The following AGBL4 variants were observed in gnomAD, a reference collection of about 807,000 sequenced individuals.
AGBL4 encodes the protein cytosolic carboxypeptidase 6.
A neutral mutation model predicts 66.4 loss-of-function variants in AGBL4; 58 were observed. The observed-to-expected ratio is 0.87, with a 90% CI of 0.71 to 1.09. AGBL4 has a LOEUF of 1.09. Ranked by LOEUF, AGBL4 falls within the 50% of genes least tolerant of loss-of-function variation. The probability of loss-of-function intolerance (pLI) is 0.00; values close to 1 mark genes in which losing one functional copy is unlikely to be tolerated. For missense variants in AGBL4, 579 were observed against 631.0 expected, an observed-to-expected ratio of 0.92 and a Z score of 0.88; for synonymous variants, 234 against 222.9, an observed-to-expected ratio of 1.05 and a Z score of -0.44.
chr1:48,934,410 T>A (rs1655284270), intron 5 of AGBL4, among the ~76,000 whole-genome samples: 1 of 152,170 alleles, frequency 6.6e-6, no homozygotes, highest in African/African-American at 2.4e-5. Context: ...CTATCACCTT[T>A]CACTCTCTAA....
intron 3 of AGBL4, among the ~76,000 whole-genome samples, chr1:49,516,108 C>A (rs1649798179): frequency 6.6e-6 from 1 of 151,000 alleles, no homozygotes; most frequent in Admixed American, 6.6e-5. Flanking sequence ...GGAGGGGGTA[C>A]TTTTTTCTAA....
At position 49,849,506 on chromosome 1, in the gene AGBL4, C is replaced by CACACACACAT. The variant is rs1553133768; in HGVS notation, c.157+1889_157+1890insATGTGTGTGT. Reference sequence around the variant, plus strand: ...ACACACACACACACACACACACACACACATACATACATTAAGATGGATAGT... The same window carrying CACACACACAT: ...ACACACACACACACACACACACACACACACACACATACATACATACATTAAGATGGATAGT... On this transcript the variant is annotated intron_variant, in intron 2 of 13. Transcript: ENST00000371839. Among the ~76,000 whole-genome samples the CACACACACAT allele has an allele frequency of 1.2e-4, 18 of 144,816 alleles. 2 individuals are homozygous for CACACACACAT. Among genetic ancestry groups the CACACACACAT allele is most frequent in the African/African-American group, 4.5e-4 (17 of 37,816 alleles).
chr1:49,645,360 T>C (rs1489969298), intron 3 of AGBL4, among the ~76,000 whole-genome samples: 1 of 150,614 alleles, frequency 6.6e-6, no homozygotes, highest in African/African-American at 2.4e-5. Flanking sequence ...GAATATTGGG[T>C]ATGAGAAAGA....
At chr1:48,982,408 A>G (rs1193610907) in intron 5 of AGBL4, among the ~76,000 whole-genome samples, 1 of 150,844 alleles carries the variant, frequency 6.6e-6, no homozygotes, top group Non-Finnish European at 1.5e-5. Flanking sequence ...ATGTGTTCTC[A>G]TTGTTCAATT....
At chr1:49,420,273 C>G (rs1319490825) in intron 3 of AGBL4, among the ~76,000 whole-genome samples, 1 of 152,148 alleles carries the variant, frequency 6.6e-6, no homozygotes, top group African/African-American at 2.4e-5. Flanking sequence ...AGTTCTATAT[C>G]AAGGTATGAA....
intron 5 of AGBL4, among the ~76,000 whole-genome samples, chr1:48,998,397 G>A (rs1053621870): frequency 1.6e-4 from 24 of 152,102 alleles, no homozygotes; most frequent in African/African-American, 4.8e-4. Flanking sequence ...GATATCATAC[G>A]GTATGGTGGA....
At chr1:49,257,817 C>G (rs997155603) in intron 3 of AGBL4, among the ~76,000 whole-genome samples, 1 of 152,162 alleles carries the variant, frequency 6.6e-6, no homozygotes, top group African/African-American at 2.4e-5. Flanking sequence ...CTTGGCTCCT[C>G]CAGCACGGAG....
At chr1:49,839,384 T>C (rs1217543270) in intron 2 of AGBL4, among the ~76,000 whole-genome samples, 3 of 152,200 alleles carry the variant, frequency 2.0e-5, no homozygotes, top group African/African-American at 7.2e-5. Context: ...CTCCTTTATA[T>C]TTAATAACCA....
At chr1:49,199,417 C>A (rs891582114) in intron 4 of AGBL4, among the ~76,000 whole-genome samples, 1 of 152,132 alleles carries the variant, frequency 6.6e-6, no homozygotes, top group African/African-American at 2.4e-5. Flanking sequence ...GATAGAAAGT[C>A]TCAGGATTAC....
At chr1:48,813,075 A>ACATGTACCCTAAAACTGCAC in intron 6 of AGBL4, among the ~76,000 whole-genome samples, 1 of 151,456 alleles carries the variant, frequency 6.6e-6, no homozygotes, top group South Asian at 2.1e-4. Flanking sequence ...CAAACCTGCA[A>ACATGTACCCTAAAACTGCAC]GTTGTGCACA....
chr1:48,903,864 C>A (rs890640240), intron 5 of AGBL4, among the ~76,000 whole-genome samples: 1 of 152,158 alleles, frequency 6.6e-6, no homozygotes, highest in Admixed American at 6.5e-5. Flanking sequence ...GTTTAAGGTG[C>A]TTTTTCCTTT....
chr1:48,762,095 C>T (rs1429618012), intron 6 of AGBL4, among the ~76,000 whole-genome samples: 6 of 152,138 alleles, frequency 3.9e-5, no homozygotes, highest in Non-Finnish European at 7.4e-5. Flanking sequence ...TGGTCCAACT[C>T]GCTCATGTTA....
At position 49,111,574 on chromosome 1, in the gene AGBL4, A is replaced by G. The variant is rs572639273; in HGVS notation, c.378-65774T>C. Among the ~76,000 whole-genome samples the G allele has an allele frequency of 3.3e-5, 5 of 152,374 alleles. No individual in the cohort carries two copies. The South Asian group carries it at 1.0e-3, about 32-fold the overall frequency. On this transcript the variant is annotated intron_variant, in intron 4 of 13. Coordinates refer to ENST00000371839, the MANE Select transcript of AGBL4 (RefSeq NM_032785.4). ...CTCCACAGAGAGGCTTCTTTTGACC[A>G]TATCATCTAAGTATGTCTCTCATGC...
At chr1:49,666,965 A>G (rs969218579) in intron 3 of AGBL4, among the ~76,000 whole-genome samples, 1 of 152,130 alleles carries the variant, frequency 6.6e-6, no homozygotes, top group African/African-American at 2.4e-5. Context: ...AGCACTTCAT[A>G]CTTGGAATAA....
chr1:48,568,234 T>C (rs1264932113), intron 11 of AGBL4, among the ~76,000 whole-genome samples: 2 of 152,126 alleles, frequency 1.3e-5, no homozygotes, highest in Non-Finnish European at 2.9e-5. Context: ...CACTTCTCCA[T>C]TGCATCTCTT....
chr1:49,073,205 C>T (rs1017259573), intron 4 of AGBL4, among the ~76,000 whole-genome samples: 7 of 152,016 alleles, frequency 4.6e-5, no homozygotes, highest in South Asian at 2.1e-4. Flanking sequence ...TCCTTTAGTT[C>T]GGAGGAGTTT....
chr1:49,416,078 A>C (rs547326834), intron 3 of AGBL4, among the ~76,000 whole-genome samples: 32 of 152,178 alleles, frequency 2.1e-4, no homozygotes, highest in African/African-American at 7.2e-4. Flanking sequence ...CAATGAGGTA[A>C]ATTTTGATTA....
chr1:49,100,895 A>ATGC (rs1211989008), intron 4 of AGBL4, among the ~76,000 whole-genome samples: 10 of 152,184 alleles, frequency 6.6e-5, no homozygotes, highest in African/African-American at 2.2e-4. Context: ...ATATTTCACC[A>ATGC]TGCTGCAGAT....
intron 6 of AGBL4, among the ~76,000 whole-genome samples, chr1:48,851,889 C>A (rs1647039704): frequency 6.6e-6 from 1 of 151,188 alleles, no homozygotes; most frequent in South Asian, 2.1e-4. Context: ...GACCTAATAT[C>A]CTGTGGCTAA....
Sources: gnomAD v4.1 joint callset for allele counts (sites outside exome capture counted in the v4.1 genomes callset) on GRCh38, gnomAD v4.1.1 for gene constraint, MANE v1.5 for transcripts, NCBI Gene and HGNC (gene_info 2026-07-23, HGNC 2026-07-21) for gene names.